Variants in SLC19A3 observed in about 807,000 individuals in gnomAD.
SLC19A3 encodes solute carrier family 19 member 3.
Under a neutral mutation model 40.2 loss-of-function variants are expected in SLC19A3, and 31 were observed. That is an observed-to-expected ratio of 0.77 (90% CI 0.58 to 1.04). The LOEUF is 1.04. SLC19A3 is among the 50% of genes least tolerant of loss of function. SLC19A3 has a pLI of 0.00. For synonymous variants in SLC19A3, 212 were observed against 227.5 expected (o/e 0.93, Z 0.61); for missense variants, 592 against 596.7 (o/e 0.99, Z 0.08).
At position 227,699,600 on chromosome 2, in the gene SLC19A3, C is replaced by A. The variant is rs111818722; in HGVS notation, c.151-36G>T. 5.9e-4 allele frequency: 911 copies of A among 1,545,958 alleles called. 7 individuals carry two copies. The African/African-American group carries it at 0.01, about 18-fold the overall frequency. On this transcript the variant is annotated intron_variant, in intron 2 of 5. Coordinates refer to ENST00000644224, the MANE Select transcript of SLC19A3 (RefSeq NM_025243.4). ...GGTAAATTGCATGACCACGAAGCAC[C>A]GGTACTTTACTAAGGTACCTGTGGT...
chr2:227,712,650 T>C (rs1398424236), intron 1 of SLC19A3, among the ~76,000 whole-genome samples: 1 of 152,170 alleles, frequency 6.6e-6, no homozygotes, highest in African/African-American at 2.4e-5. Flanking sequence ...ATATTTATAT[T>C]TGTGAAAAAA....
At chr2:227,714,281 C>T (rs1050804338) in intron 1 of SLC19A3, among the ~76,000 whole-genome samples, 7 of 152,118 alleles carry the variant, frequency 4.6e-5, no homozygotes, top group African/African-American at 1.4e-4. Context: ...TGAACAGGAT[C>T]TTTGAAACTG....
intron 1 of SLC19A3, among the ~76,000 whole-genome samples, chr2:227,710,708 C>T (rs1686309719): frequency 6.6e-6 from 1 of 152,056 alleles, no homozygotes; most frequent in Non-Finnish European, 1.5e-5. Flanking sequence ...AGCATAAACA[C>T]GTTATCAAAG....
chr2:227,690,524 G>T (rs545758818), intron 4 of SLC19A3, among the ~76,000 whole-genome samples: 1 of 151,810 alleles, frequency 6.6e-6, no homozygotes, highest in African/African-American at 2.4e-5. Context: ...TGGCTAACAC[G>T]ATGAAACCCC....
At chr2:227,695,144 C>T (rs1009359504) in intron 4 of SLC19A3, among the ~76,000 whole-genome samples, 1 of 152,098 alleles carries the variant, frequency 6.6e-6, no homozygotes, top group African/African-American at 2.4e-5. Context: ...TTTTTAGTAT[C>T]CAACTTTTTA....
At chr2:227,715,018 C>T (rs553054538) in intron 1 of SLC19A3, among the ~76,000 whole-genome samples, 22 of 152,106 alleles carry the variant, frequency 1.4e-4, no homozygotes, top group African/African-American at 5.3e-4. Context: ...CAGGGTTTTG[C>T]CTTGTTGGTC....
At chr2:227,715,135 T>C (rs779047052) in intron 1 of SLC19A3, among the ~76,000 whole-genome samples, 1 of 150,778 alleles carries the variant, frequency 6.6e-6, no homozygotes, top group Non-Finnish European at 1.5e-5. Flanking sequence ...CTGACTATTC[T>C]TACTAAAGTC....
chr2:227,688,585 C>T (rs1273208916), intron 4 of SLC19A3, among the ~76,000 whole-genome samples: 1 of 152,118 alleles, frequency 6.6e-6, no homozygotes, highest in South Asian at 2.1e-4. Flanking sequence ...TTGGGGTGCT[C>T]CCTAATGTAG....
chr2:227,717,122 C>T (rs956703246), intron 1 of SLC19A3, among the ~76,000 whole-genome samples: 10 of 151,188 alleles, frequency 6.6e-5, no homozygotes, highest in African/African-American at 2.4e-4. Context: ...TCAGCCTCAG[C>T]CTCCAGTGTA....
chr2:227,706,034 T>C (rs1318575200), intron 1 of SLC19A3, among the ~76,000 whole-genome samples: 1 of 147,284 alleles, frequency 6.8e-6, no homozygotes, highest in East Asian at 2.4e-4. Flanking sequence ...GGCGACAGAG[T>C]GAGATCCTGT....
chr2:227,717,066 A>G (rs986466968), intron 1 of SLC19A3, among the ~76,000 whole-genome samples: 2 of 130,178 alleles, frequency 1.5e-5, no homozygotes, highest in Non-Finnish European at 3.1e-5. Flanking sequence ...GCAGTGGTGC[A>G]ATCTTGGCTC....
chr2:227,696,506 A>C (rs1361386826), intron 3 of SLC19A3, among the ~76,000 whole-genome samples: 2 of 152,154 alleles, frequency 1.3e-5, no homozygotes, highest in Non-Finnish European at 2.9e-5. Flanking sequence ...TTTTGCTGTA[A>C]GTCTTTTTCA....
rs1339495770 is a variant in SLC19A3, at chr2:227,716,466, A to T, written c.-3+1477T>A. Among the ~76,000 whole-genome samples the T allele has an allele frequency of 2.6e-5, 4 of 152,100 alleles. No homozygotes were observed. The East Asian group carries it at 7.7e-4, about 29-fold the overall frequency. On this transcript the variant is annotated intron_variant, in intron 1 of 5. Coordinates refer to ENST00000644224, the MANE Select transcript of SLC19A3 (RefSeq NM_025243.4). ...CCTTCCCGGCTCCCAGCTCAAAAAA[A>T]CCTTTGTCTGCCTAAGATCCAGACC... is the stretch of plus-strand genomic sequence containing the variant.
rs1237849327 is a variant in SLC19A3, at chr2:227,684,089, G to A, written c.*3308C>T. The stretch of plus-strand genomic sequence containing the variant: ...GCCAGGATTACAGGCATGAGCCACC[G>A]TGCCAGGCCTCATTTGTCTTTTTAG... On this transcript the variant is annotated 3_prime_UTR_variant, in exon 6 of 6. Transcript: ENST00000644224. 6.6e-6 allele frequency: 1 copy of A among 152,084 alleles called. No individual in the cohort carries two copies. Among genetic ancestry groups the A allele is most frequent in the Non-Finnish European group, 1.5e-5 (1 of 68,022 alleles). The allele number at this position is 152,084 out of a possible 1,614,324, so 9.4% of individuals were successfully genotyped here.
At position 227,696,039 on chromosome 2, in the gene SLC19A3, C is replaced by A; in HGVS notation, c.1022G>T (p.Trp341Leu). Residue 341 changes from tryptophan to leucine, a missense_variant, in exon 4 of 6, where the codon TGG becomes TTG. Physicochemically the swap from Trp to Leu is moderately conservative, Grantham distance 61. Transcript: ENST00000644224. ...CAGAGCCAGCTCTCCCAGAAGGTCCCAGTTGACTTTCACATAACCCACTGC... is the reference window on the plus strand; with the variant it reads ...CAGAGCCAGCTCTCCCAGAAGGTCCAAGTTGACTTTCACATAACCCACTGC... ...AFAVGYVKVN[W>L]DLLGELALVV... The A allele has an allele frequency of 6.2e-7, 1 of 1,614,040 alleles. No homozygotes were observed. Among genetic ancestry groups the A allele is most frequent in the Non-Finnish European group, 8.5e-7 (1 of 1,180,020 alleles).
At chr2:227,706,434 AC>A (rs1695945221) in intron 1 of SLC19A3, 1 of 1,230,490 alleles carries the variant, frequency 8.1e-7, no homozygotes, top group African/African-American at 1.6e-5. Flanking sequence ...AAGCTCTATC[AC>A]TTTTTAAAAA....
At chr2:227,716,519 C>G (rs1157293700) in intron 1 of SLC19A3, among the ~76,000 whole-genome samples, 1 of 152,138 alleles carries the variant, frequency 6.6e-6, no homozygotes, top group Non-Finnish European at 1.5e-5. Context: ...GTTTCTTTTC[C>G]CTTCCCTGTA....
chr2:227,700,845 G>A, intron 2 of SLC19A3: 4 of 1,016,092 alleles, frequency 3.9e-6, no homozygotes, highest in Non-Finnish European at 5.3e-6. Flanking sequence ...ACAGTTGGAA[G>A]GACTGGAGTT....
intron 1 of SLC19A3, among the ~76,000 whole-genome samples, chr2:227,705,603 G>A (rs944347417): frequency 1.3e-5 from 2 of 152,034 alleles, no homozygotes; most frequent in African/African-American, 2.4e-5. Flanking sequence ...AGTAATTTAC[G>A]TTCCCACCAA....
Sources: allele counts gnomAD v4.1 joint callset (sites outside exome capture counted in the v4.1 genomes callset), GRCh38; gene constraint gnomAD v4.1.1; transcripts MANE v1.5; gene names NCBI Gene and HGNC (gene_info 2026-07-23, HGNC 2026-07-21).